The following RALYL variants were observed in gnomAD, a reference collection of about 807,000 sequenced individuals.
The protein encoded by RALYL is RALY RNA binding protein like, also known as RNA-binding Raly-like protein.
A neutral mutation model predicts 35.1 loss-of-function variants in RALYL; 29 were observed. The observed-to-expected ratio is 0.83, with a 90% CI of 0.61 to 1.13. RALYL has a LOEUF of 1.13. Among genes scored for constraint, RALYL ranks in the 50% most tolerant of loss-of-function variants. The pLI is 0.00. For synonymous variants in RALYL, 120 were observed against 127.6 expected (o/e 0.94, Z 0.40); for missense variants, 359 against 360.4 (o/e 1.00, Z 0.03).
intron 1 of RALYL, among the ~76,000 whole-genome samples, chr8:84,236,648 G>T (rs1228591873): frequency 4.6e-5 from 7 of 152,176 alleles, no homozygotes; most frequent in African/African-American, 1.7e-4. Flanking sequence ...ATTGCTCTGT[G>T]TGTGCCAGAC....
At chr8:84,645,207 A>C (rs184113120) in intron 2 of RALYL, among the ~76,000 whole-genome samples, 94 of 151,898 alleles carry the variant, frequency 6.2e-4, no homozygotes, top group Non-Finnish European at 1.1e-3. Context: ...GTAATTACTG[A>C]ATATATTATT....
chr8:84,215,228 T>C (rs1036794304), intron 1 of RALYL, among the ~76,000 whole-genome samples: 1 of 152,154 alleles, frequency 6.6e-6, no homozygotes, highest in South Asian at 2.1e-4. Context: ...AATATCATCA[T>C]TGTAACAGGA....
chr8:84,192,830 ACCGTGCCCAG>A (rs1814254655), intron 1 of RALYL, among the ~76,000 whole-genome samples: 1 of 139,062 alleles, frequency 7.2e-6, no homozygotes, highest in Non-Finnish European at 1.5e-5. Context: ...TGCTGGAATC[ACCGTGCCCAG>A]CCCGCAACTG....
At chr8:84,805,192 G>A (rs964634996) in intron 4 of RALYL, among the ~76,000 whole-genome samples, 24 of 151,818 alleles carry the variant, frequency 1.6e-4, no homozygotes, top group African/African-American at 2.9e-4. Context: ...TCACTGTTTC[G>A]TCACCCACTT....
chr8:84,217,621 G>A (rs921077027), intron 1 of RALYL, among the ~76,000 whole-genome samples: 1 of 151,984 alleles, frequency 6.6e-6, no homozygotes, highest in Admixed American at 6.6e-5. Flanking sequence ...TCATATATAC[G>A]ATTTTTTAAA....
chr8:84,632,653 A>G (rs1433159887), intron 2 of RALYL, among the ~76,000 whole-genome samples: 2 of 151,530 alleles, frequency 1.3e-5, no homozygotes, highest in South Asian at 2.1e-4. Context: ...TACATTTAGT[A>G]TATTCCAGTA....
At chr8:84,344,759 T>C (rs1321037750) in intron 1 of RALYL, among the ~76,000 whole-genome samples, 1 of 152,078 alleles carries the variant, frequency 6.6e-6, no homozygotes, top group Non-Finnish European at 1.5e-5. Context: ...TGAGTTCAAC[T>C]TTTTTAGATT....
intron 4 of RALYL, among the ~76,000 whole-genome samples, chr8:84,809,870 CTTCTT>C (rs1232778168): frequency 6.6e-6 from 1 of 152,068 alleles, no homozygotes; most frequent in Non-Finnish European, 1.5e-5. Context: ...GATTTTCTCT[CTTCTT>C]TTCTTGGTTA....
intron 2 of RALYL, among the ~76,000 whole-genome samples, chr8:84,566,563 A>T (rs1392876708): frequency 6.6e-6 from 1 of 151,608 alleles, no homozygotes; most frequent in Non-Finnish European, 1.5e-5. Context: ...CTACAAATGT[A>T]TATTGACTCT....
intron 1 of RALYL, among the ~76,000 whole-genome samples, chr8:84,517,486 A>G (rs1378710830): frequency 6.6e-6 from 1 of 152,200 alleles, no homozygotes; most frequent in African/African-American, 2.4e-5. Flanking sequence ...GTTGAGACCA[A>G]CATGCTTACT....
intron 1 of RALYL, among the ~76,000 whole-genome samples, chr8:84,439,982 G>T (rs1340055092): frequency 1.3e-5 from 2 of 152,066 alleles, no homozygotes; most frequent in Non-Finnish European, 2.9e-5. Context: ...ATTGGTTTCA[G>T]TAACAAAATT....
chr8:84,571,254 T>C (rs1270257511), intron 2 of RALYL, among the ~76,000 whole-genome samples: 1 of 151,862 alleles, frequency 6.6e-6, no homozygotes, highest in Admixed American at 6.6e-5. Context: ...GGATTCCTTT[T>C]GTTGGAAGAT....
chr8:84,287,039 G>A (rs914737378), intron 1 of RALYL, among the ~76,000 whole-genome samples: 20 of 152,148 alleles, frequency 1.3e-4, no homozygotes, highest in Non-Finnish European at 2.5e-4. Flanking sequence ...ACTGTTTTAA[G>A]CTACTGTTAC....
In RALYL at chr8:84,321,088, A is replaced by G. The variant is rs2130386961; in HGVS notation, c.-24+136664A>G. Among the ~76,000 whole-genome samples, 4 of 152,282 alleles carry G rather than the reference A, an allele frequency of 2.6e-5. No homozygotes were observed. In the South Asian group the frequency reaches 8.3e-4, roughly 32 times the overall value. On this transcript the variant is annotated intron_variant, in intron 1 of 8. Transcript: ENST00000521268. ...AAAAGCTTTTTCTTAGTATCGTAAT[A>G]GAAAGAAGAAGAGACTAGATGGAAA...
intron 2 of RALYL, among the ~76,000 whole-genome samples, chr8:84,652,487 C>T (rs550789367): frequency 2.0e-5 from 3 of 152,114 alleles, no homozygotes; most frequent in Middle Eastern, 3.4e-3. Context: ...TTATAGCAAT[C>T]CCCTTTCAAT....
intron 1 of RALYL, among the ~76,000 whole-genome samples, chr8:84,273,868 T>C (rs2131982381): frequency 1.3e-5 from 2 of 152,336 alleles, no homozygotes; most frequent in Middle Eastern, 6.8e-3. Flanking sequence ...TTAAGAATCA[T>C]GCTCCCGTGT....
chr8:84,202,989 C>T (rs1031658456), intron 1 of RALYL, among the ~76,000 whole-genome samples: 10 of 151,992 alleles, frequency 6.6e-5, no homozygotes, highest in Admixed American at 5.2e-4. Flanking sequence ...TACACAGGAA[C>T]GGAGTAGAGA....
intron 1 of RALYL, among the ~76,000 whole-genome samples, chr8:84,468,135 G>C (rs1034420218): frequency 2.6e-5 from 4 of 151,688 alleles, no homozygotes; most frequent in East Asian, 1.9e-4. Flanking sequence ...AGAATTTAGT[G>C]CATTTACATT....
Position 84,862,337 on chromosome 8 carries a change from C to T in RALYL, c.455C>T (p.Ala152Val), listed in dbSNP as rs1260386023. ...YHGRVPPPPR[A>V]VIPLKRPRVA... The stretch of plus-strand genomic sequence containing the variant: ...GGGCGTGTGCCTCCACCTCCCCGTG[C>T]AGTAATTCCGCTGAAGCGTCCCAGA... Residue 152 changes from alanine (A) to valine (V), a missense_variant, in exon 6 of 9, where the codon GCA (alanine) becomes GTA (valine). Ala to Val is a moderately conservative substitution (Grantham distance 64). Transcript: ENST00000521268. The T allele has an allele frequency of 6.2e-7, 1 of 1,601,016 alleles. No homozygotes were observed. The highest frequency in any genetic ancestry group is 1.7e-5 in the Admixed American group (1 of 57,872).
Sources: gnomAD v4.1 joint callset for allele counts (sites outside exome capture counted in the v4.1 genomes callset) on GRCh38, gnomAD v4.1.1 for gene constraint, MANE v1.5 for transcripts, NCBI Gene and HGNC (gene_info 2026-07-23, HGNC 2026-07-21) for gene names.